Variants in KLRD1 observed in about 807,000 individuals in gnomAD.
KLRD1 encodes killer cell lectin like receptor D1.
A neutral mutation model predicts 22.6 loss-of-function variants in KLRD1; 21 were observed. That is an observed-to-expected ratio of 0.93 (90% CI 0.66 to 1.34). KLRD1 has a LOEUF of 1.34. KLRD1 is among the 40% of genes most tolerant of loss of function. The pLI, the probability that KLRD1 is intolerant of heterozygous loss-of-function variation, is 0.00. For synonymous variants in KLRD1, 59 were observed against 71.1 expected (o/e 0.83, Z 0.85); for missense variants, 183 against 208.6 (o/e 0.88, Z 0.76).
At chr12:10,239,434 T>TTCCTTCC (rs59390706) in intron 1 of KLRD1, among the ~76,000 whole-genome samples, 959 of 41,388 alleles carry the variant, frequency 0.023, 87 homozygotes, top group Non-Finnish European at 0.036. Context: ...CCTTCCTTCC[T>TTCCTTCC]TTCCTTCCTT....
chr12:10,301,420 A>C (rs563570359), upstream of KLRD1, among the ~76,000 whole-genome samples: 1 of 152,266 alleles, frequency 6.6e-6, no homozygotes, highest in Admixed American at 6.5e-5. Flanking sequence ...TGATGATTTC[A>C]TCCCCCTTAC....
chr12:10,270,572 C>T (rs1481940304), intron 1 of KLRD1, among the ~76,000 whole-genome samples: 1 of 152,126 alleles, frequency 6.6e-6, no homozygotes, highest in Non-Finnish European at 1.5e-5. Context: ...TTCATGGGAG[C>T]ACCGTGCTGT....
intron 1 of KLRD1, among the ~76,000 whole-genome samples, chr12:10,290,821 A>T (rs1035287227): frequency 2.0e-5 from 3 of 151,868 alleles, no homozygotes; most frequent in Non-Finnish European, 4.4e-5. Context: ...ATAAAACTGC[A>T]TAAAATGACA....
chr12:10,307,659 T>A (rs1289024870), upstream of KLRD1, among the ~76,000 whole-genome samples: 2 of 152,176 alleles, frequency 1.3e-5, no homozygotes, highest in Non-Finnish European at 2.9e-5. Flanking sequence ...TTACCTTTGG[T>A]TTGCCCATCA....
At chr12:10,247,669 CAT>C (rs1312994737) in intron 1 of KLRD1, among the ~76,000 whole-genome samples, 1 of 152,176 alleles carries the variant, frequency 6.6e-6, no homozygotes, top group African/African-American at 2.4e-5. Context: ...CTAATCCCCA[CAT>C]GTCATGGGAG....
chr12:10,305,892 G>A (rs1180239140), upstream of KLRD1, among the ~76,000 whole-genome samples: 1 of 152,160 alleles, frequency 6.6e-6, no homozygotes, highest in African/African-American at 2.4e-5. Context: ...GCCGGGCACG[G>A]TGGCTCACGC....
At chr12:10,254,472 G>C (rs577910527) in intron 1 of KLRD1, among the ~76,000 whole-genome samples, 3 of 143,756 alleles carry the variant, frequency 2.1e-5, no homozygotes, top group Admixed American at 1.4e-4. Flanking sequence ...AGAGTAAACA[G>C]ACAATGTACA....
intron 1 of KLRD1, among the ~76,000 whole-genome samples, chr12:10,249,027 A>G (rs992352854): frequency 6.6e-6 from 1 of 152,204 alleles, no homozygotes; most frequent in African/African-American, 2.4e-5. Flanking sequence ...TCAATTTTGA[A>G]TTCCATTTGC....
intron 1 of KLRD1, among the ~76,000 whole-genome samples, chr12:10,298,476 C>A (rs1340174616): frequency 6.6e-6 from 1 of 152,196 alleles, no homozygotes; most frequent in Non-Finnish European, 1.5e-5. Context: ...CACTTGTGCT[C>A]ACTGTTGGGA....
chr12:10,297,602 T>A (rs765732434), intron 1 of KLRD1, among the ~76,000 whole-genome samples: 8 of 152,208 alleles, frequency 5.3e-5, no homozygotes, highest in Non-Finnish European at 7.3e-5. Flanking sequence ...TAACACTCTT[T>A]CAGGGTTGTC....
chr12:10,290,658 A>C (rs4272865), intron 1 of KLRD1, among the ~76,000 whole-genome samples: 19,185 of 152,180 alleles, frequency 0.13, 1,997 homozygotes, highest in East Asian at 0.45. Flanking sequence ...CTAATAAACA[A>C]ACTTATTAAA....
intron 4 of KLRD1, among the ~76,000 whole-genome samples, chr12:10,312,680 T>C (rs999894639): frequency 6.7e-6 from 1 of 149,140 alleles, no homozygotes; most frequent in African/African-American, 2.5e-5. Flanking sequence ...GCCCGGCCCC[T>C]AATTACCCAG....
intron 1 of KLRD1, among the ~76,000 whole-genome samples, chr12:10,253,411 CT>C (rs34648591): frequency 0.69 from 105,246 of 151,816 alleles, 38,195 homozygotes; most frequent in East Asian, 0.93. Context: ...TTCACAGTGT[CT>C]TTTTTTTCTA....
chr12:10,310,143 C>G lies in KLRD1; in HGVS notation c.163+455C>G, dbSNP rs141093565. Among the ~76,000 whole-genome samples, 1,344 of 152,306 alleles carry G rather than the reference C, an allele frequency of 8.8e-3. 31 individuals carry two copies. Among genetic ancestry groups the G allele is most frequent in the African/African-American group, 0.031 (1,272 of 41,546 alleles). On this transcript the variant is annotated intron_variant, in intron 3 of 5. Transcript: ENST00000336164. ...TTTCGTTTTTGGAGATGGAGTTTTG[C>G]TCTTGTCGTCCAGGCTGGAGTGCAG...
At chr12:10,287,723 C>G (rs889564409) in intron 1 of KLRD1, among the ~76,000 whole-genome samples, 1 of 152,092 alleles carries the variant, frequency 6.6e-6, no homozygotes, top group African/African-American at 2.4e-5. Flanking sequence ...TTATACAAAA[C>G]TACGGGGATA....
At chr12:10,239,848 G>C (rs1470272558) in intron 1 of KLRD1, among the ~76,000 whole-genome samples, 1 of 151,538 alleles carries the variant, frequency 6.6e-6, no homozygotes, top group Non-Finnish European at 1.5e-5. Flanking sequence ...CACCATGTTG[G>C]CCAGGCTGGA....
At chr12:10,246,212 T>G (rs954222086) in intron 1 of KLRD1, among the ~76,000 whole-genome samples, 3 of 152,202 alleles carry the variant, frequency 2.0e-5, no homozygotes, top group African/African-American at 7.2e-5. Context: ...TGGAAAGATA[T>G]AAGTGCAAAC....
At chr12:10,254,197 G>C (rs1641211336) in intron 1 of KLRD1, among the ~76,000 whole-genome samples, 1 of 152,104 alleles carries the variant, frequency 6.6e-6, no homozygotes, top group Non-Finnish European at 1.5e-5. Context: ...GGGAGGCCGA[G>C]ACGGGTGGAT....
At chr12:10,277,318 C>T (rs897932027) in intron 1 of KLRD1, among the ~76,000 whole-genome samples, 3 of 151,400 alleles carry the variant, frequency 2.0e-5, no homozygotes, top group African/African-American at 7.3e-5. Flanking sequence ...AAGGAGGAAG[C>T]GGAAAAGGGA....
Sources: gnomAD v4.1 joint callset for allele counts (sites outside exome capture counted in the v4.1 genomes callset) on GRCh38, gnomAD v4.1.1 for gene constraint, MANE v1.5 for transcripts, NCBI Gene and HGNC (gene_info 2026-07-23, HGNC 2026-07-21) for gene names.